Variants in COL22A1 observed in about 807,000 individuals in gnomAD.
The protein encoded by COL22A1 is collagen alpha-1(XXII) chain.
COL22A1 carries 221 observed loss-of-function variants against 248.9 expected under a neutral mutation model. The observed-to-expected ratio is 0.89, with a 90% CI of 0.80 to 0.99. The LOEUF (loss-of-function observed/expected upper bound fraction) is 0.99. COL22A1 is among the 50% of genes least tolerant of loss of function. The pLI is 0.00. For synonymous variants in COL22A1, 891 were observed against 793.4 expected (o/e 1.12, Z -2.07); for missense variants, 2,240 against 2,179.0 (o/e 1.03, Z -0.56).
At chr8:138,695,329 TCTCCCTCTCTTTCTCTC>T in intron 32 of COL22A1, among the ~76,000 whole-genome samples, 1 of 152,146 alleles carries the variant, frequency 6.6e-6, no homozygotes, top group Admixed American at 6.5e-5. Context: ...CACTACTTTT[TCTCCCTCTCTTTCTCTC>T]TCTCCCTCCC....
At chr8:138,762,031 C>CTCCTGATTTAT (rs1204100731) in intron 17 of COL22A1, among the ~76,000 whole-genome samples, 1 of 152,184 alleles carries the variant, frequency 6.6e-6, no homozygotes, top group Non-Finnish European at 1.5e-5. Context: ...GTGTCGATGC[C>CTCCTGATTTAT]TCCTGATTTA....
chr8:138,694,799 CG>C, intron 33 of COL22A1, 26 bp downstream of exon 33: 1 of 1,611,810 alleles, frequency 6.2e-7, no homozygotes, highest in Non-Finnish European at 8.5e-7. Context: ...ACCAGCCCTG[CG>C]GGGGAAGGGG....
At chr8:138,882,583 C>CTT (rs147547138) in intron 2 of COL22A1, among the ~76,000 whole-genome samples, 138,083 of 143,694 alleles carry the variant, frequency 0.96, 66,377 homozygotes, top group East Asian at 0.99. Flanking sequence ...CTCCCACACA[C>CTT]TGTCAAACTC....
chr8:138,739,219 C>T (rs1157095172), intron 22 of COL22A1, among the ~76,000 whole-genome samples: 1 of 152,084 alleles, frequency 6.6e-6, no homozygotes, highest in Admixed American at 6.6e-5. Context: ...TCATTTCCTC[C>T]AACCCTCTTC....
At chr8:138,589,538 C>T in intron 64 of COL22A1, 98 bp from the exon 65 acceptor site, 1 of 982,842 alleles carries the variant, frequency 1.0e-6, no homozygotes. Context: ...GAACTCAGGA[C>T]CTGAAACGTC....
At chr8:138,721,962 A>C in intron 26 of COL22A1, 74 bp downstream of exon 26, 1 of 1,152,450 alleles carries the variant, frequency 8.7e-7, no homozygotes, top group South Asian at 1.3e-5. Context: ...TGTAGAATTC[A>C]CCAACAATCA....
chr8:138,745,392 T>C (rs77676452), intron 22 of COL22A1, among the ~76,000 whole-genome samples: 1,678 of 152,306 alleles, frequency 0.011, 44 homozygotes, highest in African/African-American at 0.039. Flanking sequence ...CATTCACTTA[T>C]GTTCCTTAAC....
intron 16 of COL22A1, among the ~76,000 whole-genome samples, chr8:138,775,296 G>T (rs1814320971): frequency 6.6e-6 from 1 of 152,162 alleles, no homozygotes; most frequent in Admixed American, 6.5e-5. Flanking sequence ...TGCAGTGGTT[G>T]GGCAGCCATC....
At chr8:138,773,855 G>A (rs540707488) in intron 16 of COL22A1, among the ~76,000 whole-genome samples, 24 of 152,332 alleles carry the variant, frequency 1.6e-4, no homozygotes, top group African/African-American at 4.3e-4. Context: ...TGAGCCACAC[G>A]CTTTGGATGT....
At chr8:138,850,327 T>C (rs917951866) in intron 3 of COL22A1, among the ~76,000 whole-genome samples, 1 of 152,186 alleles carries the variant, frequency 6.6e-6, no homozygotes, top group African/African-American at 2.4e-5. Context: ...TGTGAAAATG[T>C]TTATGCAAGT....
chr8:138,691,872 T>C (rs1826977789), intron 35 of COL22A1, among the ~76,000 whole-genome samples: 1 of 78,484 alleles, frequency 1.3e-5, no homozygotes, highest in Non-Finnish European at 2.6e-5. Context: ...GTGTGCATGT[T>C]TGTGGAGGTG....
intron 41 of COL22A1, among the ~76,000 whole-genome samples, chr8:138,676,232 T>C (rs1825494434): frequency 6.6e-6 from 1 of 151,580 alleles, no homozygotes; most frequent in Non-Finnish European, 1.5e-5. Context: ...CCATCTCTAC[T>C]AAAAATACAA....
At chr8:138,590,410 G>A (rs1328785162) in intron 64 of COL22A1, among the ~76,000 whole-genome samples, 1 of 151,918 alleles carries the variant, frequency 6.6e-6, no homozygotes, top group East Asian at 1.9e-4. Context: ...GATAATTATT[G>A]GTACAGTTAC....
At chr8:138,732,049 G>C (rs553543140) in intron 23 of COL22A1, among the ~76,000 whole-genome samples, 2 of 152,278 alleles carry the variant, frequency 1.3e-5, no homozygotes, top group South Asian at 4.1e-4. Context: ...AATCATAGGA[G>C]AGCAATATTG....
At chr8:138,866,931 C>G (rs1468231872) in intron 3 of COL22A1, among the ~76,000 whole-genome samples, 1 of 152,184 alleles carries the variant, frequency 6.6e-6, no homozygotes, top group East Asian at 1.9e-4. Context: ...GGAGCCACAC[C>G]ACTCAGCACT....
intron 51 of COL22A1, among the ~76,000 whole-genome samples, chr8:138,624,994 A>G (rs1167021056): frequency 6.6e-6 from 1 of 152,236 alleles, no homozygotes; most frequent in African/African-American, 2.4e-5. Flanking sequence ...TAACCCCATG[A>G]TTAATTACCA....
intron 40 of COL22A1, 147 bp from the exon 41 acceptor site, chr8:138,676,782 G>A: frequency 3.3e-6 from 2 of 611,978 alleles, no homozygotes; most frequent in Non-Finnish European, 2.9e-6. Context: ...GTCTACCCAG[G>A]CAGCCCATCA....
chr8:138,715,013 A>C (rs1829319491), intron 30 of COL22A1, among the ~76,000 whole-genome samples: 1 of 152,106 alleles, frequency 6.6e-6, no homozygotes, highest in Non-Finnish European at 1.5e-5. Flanking sequence ...GTTCAGAGAG[A>C]GATTGAACGT....
chr8:138,805,185 TGTGTGTGATTGG>T (rs1432737357), intron 10 of COL22A1, among the ~76,000 whole-genome samples: 2 of 141,090 alleles, frequency 1.4e-5, no homozygotes, highest in East Asian at 2.2e-4. Context: ...GTGTGGTGTG[TGTGTGTGATTGG>T]GTGTGTGATG....
Sources: gnomAD v4.1 joint callset for allele counts (sites outside exome capture counted in the v4.1 genomes callset) on GRCh38, gnomAD v4.1.1 for gene constraint, MANE v1.5 for transcripts, NCBI Gene and HGNC (gene_info 2026-07-23, HGNC 2026-07-21) for gene names.